XPOT: variants seen among roughly 807,000 people sequenced by gnomAD.
XPOT encodes exportin for tRNA, also known as exportin-T.
XPOT carries 34 observed loss-of-function variants against 128.2 expected under a neutral mutation model. The ratio of observed to expected loss-of-function variants is 0.27; its 90% CI spans 0.20 to 0.35. The LOEUF (loss-of-function observed/expected upper bound fraction) is 0.35, where lower values mean the gene tolerates loss of function less well. Among genes scored for constraint, XPOT ranks in the 10% least tolerant of loss-of-function variants. XPOT has a pLI of 1.00. For synonymous variants in XPOT, 348 were observed against 394.3 expected, an observed-to-expected ratio of 0.88 and a Z score of 1.39; for missense variants, 838 against 1,125.3, an observed-to-expected ratio of 0.74 and a Z score of 3.65.
Position 64,434,891 on chromosome 12 carries a change from A to G in XPOT, c.2667A>G (p.Ala889=). Residue 889 remains alanine (A), a synonymous_variant, in exon 21 of 25, where the codon GCA becomes GCG. Coordinates refer to ENST00000332707, the MANE Select transcript of XPOT (RefSeq NM_007235.6). The part of the protein sequence containing the change: ...LAPLKQTFDL[A]DAQTVLALSE... ...CTTTAAAACAAACCTTTGACCTGGC[A>G]GATGCACAAACAGTATTGGTAAGCA... 6.2e-7 allele frequency: 1 copy of G among 1,612,536 alleles called. No individual in the cohort carries two copies. The highest frequency in any genetic ancestry group is 1.3e-5 in the African/African-American group (1 of 75,014).
intron 2 of XPOT, among the ~76,000 whole-genome samples, chr12:64,413,794 AAAAC>A (rs1156635090): frequency 6.6e-6 from 1 of 152,242 alleles, no homozygotes; most frequent in East Asian, 1.9e-4. Flanking sequence ...ATAAATAACT[AAAAC>A]AAGTTACAGA....
intron 1 of XPOT, chr12:64,405,105 C>G (rs1183593495): frequency 6.6e-6 from 1 of 152,250 alleles, no homozygotes; most frequent in Non-Finnish European, 1.5e-5. Flanking sequence ...GGGAGCAAGG[C>G]TAGCAGAGGA....
chr12:64,430,356 GCA>G, intron 17 of XPOT, 69 bp downstream of exon 17: 2 of 1,228,040 alleles, frequency 1.6e-6, no homozygotes, highest in South Asian at 3.4e-5. Context: ...TGTTTGGTGG[GCA>G]CACACATTTG....
chr12:64,407,895 A>G (rs2039997961), intron 1 of XPOT, among the ~76,000 whole-genome samples: 6 of 152,170 alleles, frequency 3.9e-5, no homozygotes, highest in Admixed American at 3.9e-4. Context: ...CTCTCAGTCC[A>G]TATCCTGAGT....
At chr12:64,428,151 C>T in intron 16 of XPOT, 31 bp downstream of exon 16, 1 of 1,456,110 alleles carries the variant, frequency 6.9e-7, no homozygotes, top group South Asian at 1.2e-5. Context: ...GATATTTTAC[C>T]CAGAATTCAT....
rs1326076874 is a variant in XPOT, at chr12:64,448,636, T to TA, written c.*506dup. The TA allele has an allele frequency of 2.0e-5, 3 of 152,278 alleles. No homozygotes were observed. Among genetic ancestry groups the TA allele is most frequent in the African/African-American group, 7.2e-5 (3 of 41,530 alleles). The allele number at this position is 152,278 out of a possible 1,614,324, so 9.4% of individuals were successfully genotyped here. On this transcript the variant is annotated 3_prime_UTR_variant, in exon 25 of 25. Transcript: ENST00000332707. ...AGAGAATGGTTTTAGGCTCCAGTGTTATACTTTTTTTTATATATATATATA... is the reference window on the plus strand; with the variant it reads ...AGAGAATGGTTTTAGGCTCCAGTGTTAATACTTTTTTTTATATATATATATA...
intron 22 of XPOT, among the ~76,000 whole-genome samples, chr12:64,437,707 T>C (rs2040294070): frequency 6.6e-6 from 1 of 152,156 alleles, no homozygotes; most frequent in Non-Finnish European, 1.5e-5. Flanking sequence ...TAAATACTGA[T>C]TTTGGAGTCC....
chr12:64,443,092 C>T (rs1216524699), intron 23 of XPOT: 1 of 152,386 alleles, frequency 6.6e-6, no homozygotes, highest in Non-Finnish European at 1.5e-5. Context: ...GATCCACCCA[C>T]CTCGGCTTCC....
chr12:64,411,059 T>C (rs1488270130), intron 2 of XPOT, among the ~76,000 whole-genome samples: 2 of 152,232 alleles, frequency 1.3e-5, no homozygotes, highest in Non-Finnish European at 2.9e-5. Context: ...TACAGTACCA[T>C]GTGCATGTCT....
intron 2 of XPOT, among the ~76,000 whole-genome samples, chr12:64,413,709 G>A (rs553082768): frequency 8.0e-4 from 122 of 152,150 alleles, no homozygotes; most frequent in Non-Finnish European, 1.6e-3. Context: ...GCTTTGATCT[G>A]TAACCCAAAG....
chr12:64,417,617 C>T (rs1438336600), intron 4 of XPOT, among the ~76,000 whole-genome samples: 1 of 151,906 alleles, frequency 6.6e-6, no homozygotes, highest in Non-Finnish European at 1.5e-5. Context: ...TATCTGGTAA[C>T]ACCAGGCCTG....
intron 23 of XPOT, chr12:64,443,202 C>G (rs561907326): frequency 6.6e-6 from 1 of 152,454 alleles, no homozygotes; most frequent in Admixed American, 6.5e-5. Flanking sequence ...TTTCCTGCCA[C>G]TGTCACCCAG....
rs570881560 is a variant in XPOT at position 64,451,063 on chromosome 12, T to C, written c.*2932T>C. On this transcript the variant is annotated 3_prime_UTR_variant, in exon 25 of 25. Coordinates refer to ENST00000332707, the MANE Select transcript of XPOT (RefSeq NM_007235.6). ...TGTAAGCAGTGAATAGATGTGTTGTTAGAATGATTCCATCACTTATACATT... is the reference window on the plus strand; with the variant it reads ...TGTAAGCAGTGAATAGATGTGTTGTCAGAATGATTCCATCACTTATACATT... 1 of 152,246 alleles carries C rather than the reference T, an allele frequency of 6.6e-6. No individual in the cohort carries two copies. The highest frequency in any genetic ancestry group is 1.5e-5 in the Non-Finnish European group (1 of 68,046). The allele number at this position is 152,246 out of a possible 1,614,324, so 9.4% of individuals were successfully genotyped here. A position where few individuals can be genotyped will look rare whatever the true frequency, so the allele number is the denominator to read the frequency against.
chr12:64,428,022 A>T (rs1322493029), intron 15 of XPOT, 29 bp from the exon 16 acceptor site: 2 of 1,433,484 alleles, frequency 1.4e-6, no homozygotes, highest in South Asian at 2.3e-5. Context: ...CACTGTTATT[A>T]ATTGTGATTT....
At chr12:64,410,685 A>T (rs1417992988) in intron 2 of XPOT, among the ~76,000 whole-genome samples, 3 of 152,206 alleles carry the variant, frequency 2.0e-5, no homozygotes, top group Non-Finnish European at 4.4e-5. Flanking sequence ...CAGTTATGAT[A>T]GGTTATGTCT....
At chr12:64,427,434 G>A (rs1453360347) in intron 15 of XPOT, among the ~76,000 whole-genome samples, 2 of 151,834 alleles carry the variant, frequency 1.3e-5, no homozygotes, top group African/African-American at 4.8e-5. Flanking sequence ...TTTTTATGTT[G>A]CCACTTCCTT....
intron 23 of XPOT, among the ~76,000 whole-genome samples, chr12:64,444,333 C>G (rs2040351243): frequency 6.6e-6 from 1 of 152,182 alleles, no homozygotes. Flanking sequence ...TTTGAAAATG[C>G]TATAAACCTC....
intron 3 of XPOT, among the ~76,000 whole-genome samples, chr12:64,416,443 AGG>A (rs1460972178): frequency 5.9e-5 from 9 of 152,230 alleles, no homozygotes; most frequent in Admixed American, 5.2e-4. Flanking sequence ...ATTGTATTCA[AGG>A]TGCATCTTAA....
chr12:64,423,389 G>A, intron 11 of XPOT, 145 bp downstream of exon 11: 2 of 559,984 alleles, frequency 3.6e-6, no homozygotes, highest in Non-Finnish European at 6.1e-6. Context: ...CCAACCTTGG[G>A]TGAAATTAAT....
Sources: gnomAD v4.1 joint callset for allele counts (sites outside exome capture counted in the v4.1 genomes callset) on GRCh38, gnomAD v4.1.1 for gene constraint, MANE v1.5 for transcripts, NCBI Gene and HGNC (gene_info 2026-07-23, HGNC 2026-07-21) for gene names.